The following COL20A1 variants were observed in gnomAD, a reference collection of about 807,000 sequenced individuals.
The protein encoded by COL20A1 is collagen alpha-1(XX) chain.
A neutral mutation model predicts 152.9 loss-of-function variants in COL20A1; 164 were observed. That is an observed-to-expected ratio of 1.07 (90% CI 0.94 to 1.22). The LOEUF (loss-of-function observed/expected upper bound fraction) is 1.22. Among genes scored for constraint, COL20A1 ranks in the 50% most tolerant of loss-of-function variants. COL20A1 has a pLI of 0.00. For missense variants in COL20A1, 1,873 were observed against 1,744.8 expected (o/e 1.07, Z -1.31); for synonymous variants, 864 against 756.0 (o/e 1.14, Z -2.34).
Position 63,295,083 on chromosome 20 carries a change from T to C in COL20A1, c.-10-15T>C. The C allele has an allele frequency of 2.0e-6, 3 of 1,519,128 alleles. No homozygotes were observed. Among genetic ancestry groups the C allele is most frequent in the Non-Finnish European group, 1.8e-6 (2 of 1,121,964 alleles). The allele number at this position is 1,519,128 out of a possible 1,614,324, so 94.1% of individuals were successfully genotyped here. A position where few individuals can be genotyped will look rare whatever the true frequency, so the allele number is the denominator to read the frequency against. On this transcript the variant is annotated splice_polypyrimidine_tract_variant and intron_variant, in intron 1 of 35. Coordinates refer to ENST00000358894, the MANE Select transcript of COL20A1 (RefSeq NM_020882.4). ...GGGGGGACGGCTGAAGGGCATGGCCTCTTCCCTGCCACAGCCCGAGCACCA... is the reference window on the plus strand; with the variant it reads ...GGGGGGACGGCTGAAGGGCATGGCCCCTTCCCTGCCACAGCCCGAGCACCA...
At chr20:63,295,058 G>A (rs755917680) in intron 1 of COL20A1, 40 bp from the exon 2 acceptor site, 9 of 1,337,188 alleles carry the variant, frequency 6.7e-6, no homozygotes, top group Admixed American at 2.2e-5. Context: ...GAGGACAGAC[G>A]GGGGGACGGC....
chr20:63,327,475 G>T (rs907197195), intron 31 of COL20A1: 23 of 191,874 alleles, frequency 1.2e-4, no homozygotes, highest in Non-Finnish European at 2.3e-4. Context: ...GGGAGATGGG[G>T]GTGTAGTGTC....
At chr20:63,308,838 AGAGCCAGGCACCGCC>A in intron 8 of COL20A1, 132 bp downstream of exon 8, 1 of 851,122 alleles carries the variant, frequency 1.2e-6, no homozygotes, top group Admixed American at 3.2e-5. Flanking sequence ...AGCTGCACGC[AGAGCCAGGCACCGCC>A]TGGCACTCAG....
At chr20:63,307,101 C>T (rs182479640) in intron 5 of COL20A1, among the ~76,000 whole-genome samples, 12 of 152,336 alleles carry the variant, frequency 7.9e-5, no homozygotes, top group East Asian at 1.9e-4. Flanking sequence ...AGCGCCAGAC[C>T]GGGGATGGCG....
chr20:63,312,383 A>G (rs4809288), intron 14 of COL20A1, 37 bp from the exon 15 acceptor site: 95,153 of 1,508,970 alleles, frequency 0.063, 3,372 homozygotes, highest in South Asian at 0.11. Context: ...TCCAGGCACC[A>G]GCTGGGCCTG....
chr20:63,318,849 G>A (rs1601430283), intron 21 of COL20A1, among the ~76,000 whole-genome samples: 1 of 151,812 alleles, frequency 6.6e-6, no homozygotes, highest in East Asian at 2.0e-4. Flanking sequence ...TCAGCTCTGT[G>A]GAACCACCAG....
At chr20:63,325,865 C>T in intron 29 of COL20A1, 144 bp downstream of exon 29, 1 of 822,612 alleles carries the variant, frequency 1.2e-6, no homozygotes, top group South Asian at 1.7e-5. Context: ...CCACCCCCTT[C>T]AGCCTGTGGC....
intron 30 of COL20A1, among the ~76,000 whole-genome samples, chr20:63,326,482 C>T (rs531951264): frequency 9.6e-4 from 146 of 152,314 alleles, no homozygotes; most frequent in African/African-American, 3.4e-3. Flanking sequence ...GCCCAACTTG[C>T]AGTCACACTG....
rs778975865 is a variant in COL20A1, at chr20:63,314,103, C to T, written c.2390C>T (p.Thr797Ile). ...GTGCCAGGAGCCAGGAGCCACGTGACACTGCCCGACCTGCAGGCAGCCACG... is the reference window on the plus strand; with the variant it reads ...GTGCCAGGAGCCAGGAGCCACGTGATACTGCCCGACCTGCAGGCAGCCACG... ...VSVPGARSHV[T>I]LPDLQAATKY... Residue 797 changes from threonine to isoleucine, a missense_variant, in exon 19 of 36, where the codon ACA becomes ATA. Transcript: ENST00000358894. 10 of 1,612,584 alleles carry T rather than the reference C, an allele frequency of 6.2e-6. No homozygotes were observed. The highest frequency in any genetic ancestry group is 1.7e-5 in the Admixed American group (1 of 59,984).
At position 63,295,194 on chromosome 20, in the gene COL20A1, G is replaced by C; in HGVS notation, c.82+5G>C. The C allele has an allele frequency of 1.3e-6, 2 of 1,549,034 alleles. No individual in the cohort carries two copies. Among genetic ancestry groups the C allele is most frequent in the Non-Finnish European group, 1.7e-6 (2 of 1,145,224 alleles). On this transcript the variant is annotated splice_donor_5th_base_variant and intron_variant, in intron 2 of 35. Coordinates refer to ENST00000358894, the MANE Select transcript of COL20A1 (RefSeq NM_020882.4). Reference sequence around the variant, plus strand: ...TGGGAAGAGAGCAAGTTCAAGGTAAGGACACTGGCAGTGGGCCCCTGCTTG... The same window carrying C: ...TGGGAAGAGAGCAAGTTCAAGGTAACGACACTGGCAGTGGGCCCCTGCTTG...
At position 63,313,957 on chromosome 20, in the gene COL20A1, C is replaced by A; in HGVS notation, c.2358+66C>A. On this transcript the variant is annotated intron_variant, in intron 18 of 35. Coordinates refer to ENST00000358894, the MANE Select transcript of COL20A1 (RefSeq NM_020882.4). The surrounding 1 kb of genome is among the most constrained non-coding windows in gnomAD (Gnocchi z 5.9). ...GCCTCCTGGAAGGGGTATGGCCACA[C>A]TGTCTGCGAAGGGTGGCAGCTCTGC... The A allele has an allele frequency of 1.9e-6, 3 of 1,590,154 alleles. No homozygotes were observed. The highest frequency in any genetic ancestry group is 2.6e-6 in the Non-Finnish European group (3 of 1,167,828).
At position 63,331,690 on chromosome 20, in the gene COL20A1, A is replaced by G. The variant is rs2068335742; in HGVS notation, c.*974A>G. 6.6e-6 allele frequency: 1 copy of G among 152,202 alleles called. No homozygotes were observed. The highest frequency in any genetic ancestry group is 2.4e-5 in the African/African-American group (1 of 41,436). 9.4% of individuals were successfully genotyped at this position (152,202 alleles called of 1,614,324 possible). A position where few individuals can be genotyped will look rare whatever the true frequency, so the allele number is the denominator to read the frequency against. ...GAACTTCTACTTCCTTTCCAAACAAATATTCAGTAACTAGTCCACTGTTAC... is the reference window on the plus strand; with the variant it reads ...GAACTTCTACTTCCTTTCCAAACAAGTATTCAGTAACTAGTCCACTGTTAC... On this transcript the variant is annotated 3_prime_UTR_variant, in exon 36 of 36. Coordinates refer to ENST00000358894, the MANE Select transcript of COL20A1 (RefSeq NM_020882.4).
At position 63,313,660 on chromosome 20, in the gene COL20A1, G is replaced by A; in HGVS notation, c.2210-83G>A. The A allele has an allele frequency of 7.5e-7, 1 of 1,340,500 alleles. No individual in the cohort carries two copies. Among genetic ancestry groups the A allele is most frequent in the Non-Finnish European group, 1.0e-6 (1 of 999,780 alleles). The allele number at this position is 1,340,500 out of a possible 1,614,324, so 83.0% of individuals were successfully genotyped here. ...GGAGGCATTACGCAGAGCAGGGTAG[G>A]GGCTGGGCAGCTGGTCCTCTGGCCA... On this transcript the variant is annotated intron_variant, in intron 17 of 35. Transcript: ENST00000358894. This position sits in a 1 kb window ranked among gnomAD's most constrained non-coding sequence, Gnocchi z 5.9.
chr20:63,316,192 C>T (rs926380739), intron 20 of COL20A1, among the ~76,000 whole-genome samples: 5 of 151,022 alleles, frequency 3.3e-5, no homozygotes, highest in African/African-American at 7.3e-5. Context: ...GGGGCAGGGG[C>T]GAGAGGTGGG....
intron 10 of COL20A1, 95 bp from the exon 11 acceptor site, chr20:63,310,286 A>C: frequency 7.0e-7 from 1 of 1,432,312 alleles, no homozygotes. Context: ...TGCGGGCCCC[A>C]GCTGAGCTCA....
At position 63,325,455 on chromosome 20, in the gene COL20A1, C is replaced by T. The variant is rs1321919919; in HGVS notation, c.3309C>T (p.Val1103=). Residue 1103 remains valine (V), a synonymous_variant, in exon 28 of 36, where the codon GTC becomes GTT. Transcript: ENST00000358894. ...GFPGPRGPPG[V]KGEKGDHGLP... is the part of the protein sequence containing the mutation. ...TCCCCCTCCAGGGTCCACCAGGGGT[C>T]AAAGGAGAGAAGGGAGACCATGGGC... 1.2e-6 allele frequency: 2 copies of T among 1,612,660 alleles called. No individual in the cohort carries two copies. The highest frequency in any genetic ancestry group is 1.7e-6 in the Non-Finnish European group (2 of 1,179,406).
chr20:63,312,705 T>C, intron 15 of COL20A1, 87 bp from the exon 16 acceptor site: 1 of 1,471,388 alleles, frequency 6.8e-7, no homozygotes, highest in Non-Finnish European at 9.1e-7. Context: ...GATGGGGGTA[T>C]AGGGTGCTCC....
chr20:63,329,742 G>A (rs1032681553), intron 35 of COL20A1, 81 bp downstream of exon 35: 4 of 985,486 alleles, frequency 4.1e-6, no homozygotes, highest in Non-Finnish European at 5.9e-6. Context: ...CAACGGGTGG[G>A]GCCTCATGCT....
At chr20:63,298,191 A>G (rs1445977909) in intron 3 of COL20A1, among the ~76,000 whole-genome samples, 171 bp downstream of exon 3, 1 of 152,218 alleles carries the variant, frequency 6.6e-6, no homozygotes, top group African/African-American at 2.4e-5. Context: ...CCCCCGTCAC[A>G]TATGACATGG....
Sources: allele counts gnomAD v4.1 joint callset (sites outside exome capture counted in the v4.1 genomes callset), GRCh38; gene constraint gnomAD v4.1.1; non-coding constraint Gnocchi (gnomAD v3.1); transcripts MANE v1.5; gene names NCBI Gene and HGNC (gene_info 2026-07-23, HGNC 2026-07-21).